Variants in USH2A observed in about 807,000 individuals in gnomAD.
USH2A encodes Usher syndrome 2A (autosomal recessive, mild).
USH2A carries 443 observed loss-of-function variants against 538.9 expected under a neutral mutation model. The ratio of observed to expected loss-of-function variants is 0.82; its 90% CI spans 0.76 to 0.89. The LOEUF (loss-of-function observed/expected upper bound fraction) is 0.89. Among genes scored for constraint, USH2A ranks in the 40% least tolerant of loss-of-function variants. USH2A has a pLI of 0.00. For synonymous variants in USH2A, 2,413 were observed against 2,273.5 expected, an observed-to-expected ratio of 1.06 and a Z score of -1.75; for missense variants, 6,633 against 6,324.8, an observed-to-expected ratio of 1.05 and a Z score of -1.65.
At chr1:216,410,802 A>G (rs74375898) in intron 3 of USH2A, among the ~76,000 whole-genome samples, 74 of 152,228 alleles carry the variant, frequency 4.9e-4, no homozygotes, top group African/African-American at 1.8e-3. Context: ...TCCTTCATCA[A>G]CAAGCCCTTT....
At chr1:215,789,312 C>T (rs753797256) in intron 51 of USH2A, among the ~76,000 whole-genome samples, 1 of 152,182 alleles carries the variant, frequency 6.6e-6, no homozygotes, top group Non-Finnish European at 1.5e-5. Flanking sequence ...TACACAAGGA[C>T]TGTGTAGTTG....
At chr1:216,060,237 A>T (rs1402303635) in intron 30 of USH2A, among the ~76,000 whole-genome samples, 5 of 152,206 alleles carry the variant, frequency 3.3e-5, no homozygotes, top group Admixed American at 6.5e-5. Flanking sequence ...ACTAGCCCAG[A>T]TGTACAGAAT....
chr1:216,258,525 T>C (rs1057168237), intron 11 of USH2A, among the ~76,000 whole-genome samples: 1 of 152,106 alleles, frequency 6.6e-6, no homozygotes, highest in Non-Finnish European at 1.5e-5. Context: ...ATCTGCTCTC[T>C]GCAAACTCTA....
intron 56 of USH2A, among the ~76,000 whole-genome samples, chr1:215,760,166 A>G (rs1660938147): frequency 6.6e-6 from 1 of 152,158 alleles, no homozygotes; most frequent in African/African-American, 2.4e-5. Context: ...ATTTACCTGG[A>G]ATATGTGAAA....
At chr1:216,308,565 C>T (rs1452228143) in intron 9 of USH2A, among the ~76,000 whole-genome samples, 2 of 152,078 alleles carry the variant, frequency 1.3e-5, no homozygotes, top group East Asian at 3.9e-4. Context: ...TTACCTTTGT[C>T]AGTTATATAT....
chr1:216,400,792 A>G (rs908824692), intron 3 of USH2A, among the ~76,000 whole-genome samples: 2 of 152,198 alleles, frequency 1.3e-5, no homozygotes, highest in Non-Finnish European at 2.9e-5. Flanking sequence ...ACATTTATCA[A>G]GTAATGAAAG....
intron 65 of USH2A, among the ~76,000 whole-genome samples, chr1:215,649,983 G>C (rs1025541903): frequency 6.6e-6 from 1 of 152,138 alleles, no homozygotes; most frequent in Non-Finnish European, 1.5e-5. Flanking sequence ...TGTGAAAGAT[G>C]ATTTCCCTGA....
At chr1:215,667,431 G>C (rs1657642454) in intron 64 of USH2A, among the ~76,000 whole-genome samples, 1 of 152,118 alleles carries the variant, frequency 6.6e-6, no homozygotes, top group African/African-American at 2.4e-5. Flanking sequence ...TGACCCTCCT[G>C]CCCGTTAGAA....
At chr1:216,068,828 C>T (rs1027122527) in intron 30 of USH2A, among the ~76,000 whole-genome samples, 1 of 152,112 alleles carries the variant, frequency 6.6e-6, no homozygotes, top group African/African-American at 2.4e-5. Context: ...ATTCATTCAT[C>T]CAACCCCTAA....
At chr1:215,757,877 C>CGTGATTT in intron 58 of USH2A, among the ~76,000 whole-genome samples, 2 of 152,128 alleles carry the variant, frequency 1.3e-5, no homozygotes, top group Non-Finnish European at 2.9e-5. Flanking sequence ...TCCAAACTCC[C>CGTGATTT]CATTCACTGA....
At chr1:215,691,314 G>T (rs115802353) in intron 61 of USH2A, among the ~76,000 whole-genome samples, 558 of 152,206 alleles carry the variant, frequency 3.7e-3, no homozygotes, top group African/African-American at 0.013. Flanking sequence ...ATCAAAGCCT[G>T]TTCTTTCTGC....
chr1:215,742,865 C>T (rs1467441774), intron 59 of USH2A, among the ~76,000 whole-genome samples: 1 of 152,044 alleles, frequency 6.6e-6, no homozygotes, highest in Non-Finnish European at 1.5e-5. Context: ...ATTTGGAATA[C>T]TCATTTTTGT....
chr1:215,655,725 C>CTTTTTT (rs766225635), intron 64 of USH2A, among the ~76,000 whole-genome samples: 72 of 96,200 alleles, frequency 7.5e-4, no homozygotes, highest in South Asian at 2.7e-3. Context: ...GCTAGTTATT[C>CTTTTTT]TTTTTTTTTT....
intron 55 of USH2A, among the ~76,000 whole-genome samples, chr1:215,768,638 C>T (rs538821740): frequency 1.3e-5 from 2 of 152,272 alleles, no homozygotes; most frequent in South Asian, 4.2e-4. Flanking sequence ...GATAAAAGCT[C>T]ATCGGAAAAT....
chr1:215,975,005 G>GT (rs1056002072), intron 35 of USH2A, among the ~76,000 whole-genome samples: 51 of 152,142 alleles, frequency 3.4e-4, no homozygotes, highest in African/African-American at 1.1e-3. Context: ...AGCATCTGTT[G>GT]TTTTTTGACT....
chr1:215,743,147 GC>G (rs1418910632), intron 59 of USH2A, 29 bp downstream of exon 59: 1 of 1,603,340 alleles, frequency 6.2e-7, no homozygotes, highest in Non-Finnish European at 8.5e-7. Context: ...TTTCATAAAA[GC>G]CCAGGCCAAG....
intron 14 of USH2A, among the ~76,000 whole-genome samples, chr1:216,226,541 G>C (rs1187534307): frequency 1.3e-5 from 2 of 152,170 alleles, no homozygotes; most frequent in Non-Finnish European, 2.9e-5. Flanking sequence ...ACCCAAAGCA[G>C]TCTATTGTCT....
intron 41 of USH2A, among the ~76,000 whole-genome samples, chr1:215,880,589 G>C (rs1664878557): frequency 6.6e-6 from 1 of 152,172 alleles, no homozygotes. Context: ...TTGTAGCACA[G>C]ATATAGGACG....
At chr1:216,229,972 T>C (rs1360875891) in intron 14 of USH2A, among the ~76,000 whole-genome samples, 1 of 151,962 alleles carries the variant, frequency 6.6e-6, no homozygotes, top group Non-Finnish European at 1.5e-5. Flanking sequence ...AAAAGTTAAG[T>C]GAAAAAGCTG....
Sources: allele counts gnomAD v4.1 joint callset (sites outside exome capture counted in the v4.1 genomes callset), GRCh38; gene constraint gnomAD v4.1.1; transcripts MANE v1.5; gene names NCBI Gene and HGNC (gene_info 2026-07-23, HGNC 2026-07-21).